PLEK: variants seen among roughly 807,000 people sequenced by gnomAD.
PLEK encodes the protein pleckstrin.
Under a neutral mutation model 43.9 loss-of-function variants are expected in PLEK, and 25 were observed. That is an observed-to-expected ratio of 0.57 (90% confidence interval 0.41 to 0.79). The LOEUF (loss-of-function observed/expected upper bound fraction) is 0.79. Among genes scored for constraint, PLEK ranks in the 30% least tolerant of loss-of-function variants. The pLI is 0.00. For missense variants in PLEK, 396 were observed against 413.3 expected (o/e 0.96, Z 0.36); for synonymous variants, 152 against 144.4 (o/e 1.05, Z -0.38).
In PLEK at chr2:68,380,364, G is replaced by A. The variant is rs371962754; in HGVS notation, c.79G>A (p.Val27Ile). The change falls in exon 2 of 9, where the codon GTA (valine) becomes ATA (isoleucine). Residue 27 changes from valine (V) to isoleucine (I), a missense_variant. Physicochemically the swap from Val to Ile is conservative, Grantham distance 29. Transcript: ENST00000234313. ...CAATACGTGGAAACCCATGTGGGTT[G>A]TATTGTTAGAAGATGGAATTGAATT... ...VFNTWKPMWVVLLEDGIEFYK... is the reference protein window; with the variant it reads ...VFNTWKPMWVILLEDGIEFYK... 9.9e-6 allele frequency: 16 copies of A among 1,613,612 alleles called. No individual in the cohort carries two copies. The highest frequency in any genetic ancestry group is 1.4e-5 in the Non-Finnish European group (16 of 1,179,690).
At chr2:68,386,974 A>G (rs1174477620) in intron 5 of PLEK, among the ~76,000 whole-genome samples, 1 of 152,152 alleles carries the variant, frequency 6.6e-6, no homozygotes, top group African/African-American at 2.4e-5. Flanking sequence ...TTTAAAGGAC[A>G]TTTTAAAGTT....
At chr2:68,395,559 CCA>C in intron 8 of PLEK, 119 bp from the exon 9 acceptor site, 2 of 987,046 alleles carry the variant, frequency 2.0e-6, no homozygotes, top group Non-Finnish European at 3.2e-6. Flanking sequence ...TGTTTGAAAG[CCA>C]CATAGTCAAT....
Position 68,396,057 on chromosome 2 carries a change from C to T in PLEK, c.*241C>T, listed in dbSNP as rs965774154. 11 of 440,944 alleles carry T rather than the reference C, an allele frequency of 2.5e-5. No homozygotes were observed. Among genetic ancestry groups the T allele is most frequent in the Admixed American group, 1.0e-4 (3 of 28,910 alleles). 27.3% of individuals were successfully genotyped at this position (440,944 alleles called of 1,614,324 possible). ...AAGCAGATATAACAAGCTGTGCAGC[C>T]TCAGTAGGCTGCTTGCCCTCTCCAG... is the stretch of plus-strand genomic sequence containing the variant. On this transcript the variant is annotated 3_prime_UTR_variant, in exon 9 of 9. Coordinates refer to ENST00000234313, the MANE Select transcript of PLEK (RefSeq NM_002664.3).
intron 1 of PLEK, among the ~76,000 whole-genome samples, chr2:68,366,593 G>A (rs1189692599): frequency 6.6e-6 from 1 of 152,212 alleles, no homozygotes; most frequent in African/African-American, 2.4e-5. Context: ...GTTAGGATTT[G>A]TAGTGTATTT....
intron 1 of PLEK, among the ~76,000 whole-genome samples, chr2:68,367,016 G>A (rs1413344894): frequency 2.0e-5 from 3 of 152,254 alleles, no homozygotes; most frequent in African/African-American, 7.2e-5. Context: ...ATAGAGTCAG[G>A]GTTGTCAAGC....
At chr2:68,377,297 T>G (rs976037079) in intron 1 of PLEK, among the ~76,000 whole-genome samples, 1 of 152,214 alleles carries the variant, frequency 6.6e-6, no homozygotes, top group Admixed American at 6.5e-5. Context: ...CCAGTGAGAT[T>G]GCTGGGTCAA....
chr2:68,385,728 C>T (rs992745433), intron 4 of PLEK, among the ~76,000 whole-genome samples: 2 of 152,210 alleles, frequency 1.3e-5, no homozygotes, highest in African/African-American at 4.8e-5. Context: ...ATATTTTAAG[C>T]CTCTGCCCAG....
At chr2:68,386,749 G>T in intron 5 of PLEK, 63 bp downstream of exon 5, 1 of 1,310,234 alleles carries the variant, frequency 7.6e-7, no homozygotes, top group South Asian at 1.3e-5. Context: ...ATTCTAGATT[G>T]ATTTCAGTTC....
intron 1 of PLEK, among the ~76,000 whole-genome samples, chr2:68,368,508 A>G (rs1673326821): frequency 6.6e-6 from 1 of 152,250 alleles, no homozygotes; most frequent in African/African-American, 2.4e-5. Context: ...TCTGAAAGGC[A>G]GGCTTGCCCT....
At chr2:68,382,942 G>T (rs779132685) in intron 4 of PLEK, among the ~76,000 whole-genome samples, 3 of 152,104 alleles carry the variant, frequency 2.0e-5, no homozygotes, top group Non-Finnish European at 4.4e-5. Flanking sequence ...ACACAGAATT[G>T]GATAAGATGC....
chr2:68,386,172 G>C (rs1673738131), intron 4 of PLEK, among the ~76,000 whole-genome samples: 1 of 150,490 alleles, frequency 6.6e-6, no homozygotes, highest in African/African-American at 2.4e-5. Flanking sequence ...TTGTTATGTT[G>C]CCTGGGCTGG....
chr2:68,382,463 C>T (rs1673642775), intron 3 of PLEK, 79 bp from the exon 4 acceptor site: 1 of 810,588 alleles, frequency 1.2e-6, no homozygotes, highest in Non-Finnish European at 2.1e-6. Context: ...AGAGAACTTA[C>T]CATTCTGAAA....
intron 4 of PLEK, among the ~76,000 whole-genome samples, chr2:68,385,312 T>C (rs1673715377): frequency 6.6e-6 from 1 of 152,172 alleles, no homozygotes; most frequent in African/African-American, 2.4e-5. Flanking sequence ...CTGCTAATAA[T>C]CCAATGTATG....
chr2:68,370,176 G>A (rs1673371561), intron 1 of PLEK, among the ~76,000 whole-genome samples: 2 of 152,262 alleles, frequency 1.3e-5, no homozygotes, highest in South Asian at 4.1e-4. Flanking sequence ...TGATCACAGT[G>A]TAATTTTCCT....
Position 68,380,339 on chromosome 2 carries a change from C to A in PLEK, c.54C>A (p.Phe18Leu). ...EGYLVKKGSV[F>L]NTWKPMWVVL... ...GGTTGTCATTACAGGGGAGCGTGTT[C>A]AATACGTGGAAACCCATGTGGGTTG... The change falls in exon 2 of 9, where the codon TTC becomes TTA. Residue 18 changes from phenylalanine to leucine, a missense_variant. Phe to Leu is a conservative substitution (Grantham distance 22, BLOSUM62 0). Coordinates refer to ENST00000234313, the MANE Select transcript of PLEK (RefSeq NM_002664.3). 1 of 1,612,698 alleles carries A rather than the reference C, an allele frequency of 6.2e-7. No individual in the cohort carries two copies. Among genetic ancestry groups the A allele is most frequent in the South Asian group, 1.1e-5 (1 of 90,930 alleles).
At chr2:68,372,385 A>G (rs1673426162) in intron 1 of PLEK, among the ~76,000 whole-genome samples, 1 of 152,100 alleles carries the variant, frequency 6.6e-6, no homozygotes. Flanking sequence ...CATGTTGGCC[A>G]GGCTGGTCTC....
chr2:68,372,018 T>A (rs1673418557), intron 1 of PLEK, among the ~76,000 whole-genome samples: 1 of 152,328 alleles, frequency 6.6e-6, no homozygotes, highest in Admixed American at 6.5e-5. Context: ...TTTATATTAT[T>A]TGCTCATTTA....
chr2:68,385,185 C>T (rs1439004641), intron 4 of PLEK, among the ~76,000 whole-genome samples: 1 of 152,228 alleles, frequency 6.6e-6, no homozygotes, highest in Non-Finnish European at 1.5e-5. Context: ...TTCTGATACA[C>T]ATATACATTG....
At chr2:68,367,512 A>G (rs1170929683) in intron 1 of PLEK, among the ~76,000 whole-genome samples, 1 of 152,226 alleles carries the variant, frequency 6.6e-6, no homozygotes, top group Non-Finnish European at 1.5e-5. Flanking sequence ...CAGCTGCAGA[A>G]CTAAACCTAA....
Sources: allele counts gnomAD v4.1 joint callset (sites outside exome capture counted in the v4.1 genomes callset), GRCh38; gene constraint gnomAD v4.1.1; transcripts MANE v1.5; gene names NCBI Gene and HGNC (gene_info 2026-07-23, HGNC 2026-07-21).